Variants in S100Z observed in about 807,000 individuals in gnomAD.
S100Z encodes the protein S100 calcium binding protein Z.
Under a neutral mutation model 8.5 loss-of-function variants are expected in S100Z, and 11 were observed. That is an observed-to-expected ratio of 1.30 (90% CI 0.82 to 2.15). The LOEUF is 2.15. Ranked by LOEUF, S100Z falls within the 30% of genes most tolerant of loss-of-function variation. S100Z has a pLI of 0.00. For missense variants in S100Z, 126 were observed against 117.9 expected (o/e 1.07, Z -0.32); for synonymous variants, 34 against 43.8 (o/e 0.78, Z 0.89).
the S100Z span, among the ~76,000 whole-genome samples, chr5:76,932,142 CT>C: frequency 0.027 from 4,155 of 151,988 alleles, 68 homozygotes; most frequent in Non-Finnish European, 0.039. Flanking sequence ...CATTTAAATT[CT>C]TTTTTTTCTC....
the S100Z span, among the ~76,000 whole-genome samples, chr5:76,931,807 CT>C: frequency 1.6e-4 from 21 of 129,926 alleles, no homozygotes; most frequent in Admixed American, 1.0e-3. Flanking sequence ...TTTTATTCTT[CT>C]TTTTTTTTGT....
chr5:76,901,206 A>G (rs1394061536), intron 4 of S100Z, among the ~76,000 whole-genome samples: 1 of 152,178 alleles, frequency 6.6e-6, no homozygotes, highest in African/African-American at 2.4e-5. Context: ...ATCTCATCTA[A>G]TGCCTGCTTT....
chr5:76,862,344 T>C (rs1273003687), intron 1 of S100Z, among the ~76,000 whole-genome samples: 6 of 152,064 alleles, frequency 3.9e-5, no homozygotes, highest in South Asian at 2.1e-4. Flanking sequence ...CTAGGCAAGA[T>C]TGGGCAGCAT....
intron 1 of S100Z, among the ~76,000 whole-genome samples, chr5:76,862,244 G>A (rs1442521607): frequency 6.6e-6 from 1 of 151,966 alleles, no homozygotes; most frequent in African/African-American, 2.4e-5. Flanking sequence ...GGAGAATAGG[G>A]AATTAGGGTA....
the S100Z span, among the ~76,000 whole-genome samples, chr5:76,942,965 G>A: frequency 2.2e-4 from 33 of 152,312 alleles, no homozygotes; most frequent in African/African-American, 7.2e-4. Context: ...ATTATCTCTC[G>A]TGGTTCCTAT....
At chr5:76,869,836 T>C (rs559718543) in intron 1 of S100Z, among the ~76,000 whole-genome samples, 3 of 152,188 alleles carry the variant, frequency 2.0e-5, no homozygotes, top group Admixed American at 2.0e-4. Context: ...CTAGCCAACA[T>C]GGTGAAACCC....
chr5:76,952,350 A>T, the S100Z span, among the ~76,000 whole-genome samples: 1 of 152,250 alleles, frequency 6.6e-6, no homozygotes, highest in East Asian at 1.9e-4. Context: ...TGTGTACATC[A>T]TGTAAACATC....
At position 76,902,355 on chromosome 5, in the gene S100Z, C is replaced by T. The variant is rs147849657; in HGVS notation, c.*3-18362C>T. On this transcript the variant is annotated intron_variant, in intron 4 of 4. Coordinates refer to ENST00000317593, the MANE Select transcript of S100Z (RefSeq NM_130772.4). Reference sequence around the variant, plus strand: ...TTCTTGGAGACACAGAGTGCTGTAGCGCTCTGCTGAATTTGATCCAGTTTT... The same window carrying T: ...TTCTTGGAGACACAGAGTGCTGTAGTGCTCTGCTGAATTTGATCCAGTTTT... Among the ~76,000 whole-genome samples, 8 of 152,328 alleles carry T rather than the reference C, an allele frequency of 5.3e-5. 1 individual carries two copies. Among genetic ancestry groups the T allele is most frequent in the South Asian group, 4.1e-4 (2 of 4,832 alleles).
intron 4 of S100Z, among the ~76,000 whole-genome samples, chr5:76,902,358 T>G (rs1334914233): frequency 6.6e-6 from 1 of 152,244 alleles, no homozygotes; most frequent in African/African-American, 2.4e-5. Context: ...GCTGTAGCGC[T>G]CTGCTGAATT....
chr5:76,937,503 C>A, the S100Z span, among the ~76,000 whole-genome samples: 1 of 151,920 alleles, frequency 6.6e-6, no homozygotes, highest in Non-Finnish European at 1.5e-5. Flanking sequence ...TGCCTATAAT[C>A]CCAGCACTTT....
downstream of S100Z, among the ~76,000 whole-genome samples, chr5:76,924,129 C>T (rs1745093562): frequency 6.6e-6 from 1 of 152,230 alleles, no homozygotes; most frequent in African/African-American, 2.4e-5. Context: ...AGCCCAGACA[C>T]TGTTCTCTGG....
chr5:76,861,994 A>G (rs762551042), intron 1 of S100Z, among the ~76,000 whole-genome samples: 138 of 152,216 alleles, frequency 9.1e-4, no homozygotes, highest in Non-Finnish European at 1.7e-3. Flanking sequence ...CAGCAGTGAC[A>G]CAAAGAAGTT....
intron 4 of S100Z, among the ~76,000 whole-genome samples, chr5:76,903,897 TTGTG>T (rs956969367): frequency 1.7e-4 from 25 of 151,318 alleles, no homozygotes; most frequent in African/African-American, 5.8e-4. Flanking sequence ...GCTATTTTTT[TTGTG>T]TGTGTGTATT....
At chr5:76,933,088 A>G in the S100Z span, among the ~76,000 whole-genome samples, 2 of 152,210 alleles carry the variant, frequency 1.3e-5, no homozygotes, top group African/African-American at 4.8e-5. Context: ...TTAAGGATAA[A>G]GTTTTAGAGT....
Position 76,875,486 on chromosome 5 carries a change from A to G in S100Z, c.127A>G (p.Thr43Ala), listed in dbSNP as rs925776874. ...GAAACTGCTCCTGCAGCGAGAGCTC[A>G]CGGAATTCCTCTCGGTGAGTCAGGC... ...ELKLLLQREL[T>A]EFLSCQKETQ... is the part of the protein sequence containing the mutation. Residue 43 changes from threonine (T) to alanine (A), a missense_variant, in exon 3 of 5, where the codon ACG becomes GCG. Coordinates refer to ENST00000317593, the MANE Select transcript of S100Z (RefSeq NM_130772.4). 2.5e-6 allele frequency: 4 copies of G among 1,609,322 alleles called. No homozygotes were observed. Among genetic ancestry groups the G allele is most frequent in the Non-Finnish European group, 3.4e-6 (4 of 1,178,232 alleles).
At chr5:76,911,608 C>A (rs1161010501) in intron 4 of S100Z, among the ~76,000 whole-genome samples, 3 of 152,222 alleles carry the variant, frequency 2.0e-5, no homozygotes, top group Non-Finnish European at 4.4e-5. Context: ...CAAGTCCAGG[C>A]ACTCTGGTCC....
At position 76,917,820 on chromosome 5, in the gene S100Z, C is replaced by CAAAAA. The variant is rs10665272; in HGVS notation, c.*3-2884_*3-2880dup. Among the ~76,000 whole-genome samples, 10 of 130,608 alleles carry CAAAAA rather than the reference C, an allele frequency of 7.7e-5. 1 individual carries two copies. The highest frequency in any genetic ancestry group is 2.8e-4 in the African/African-American group (10 of 35,210). 85.7% of individuals were successfully genotyped at this position (130,608 alleles called of 152,430 possible). A position where few individuals can be genotyped will look rare whatever the true frequency, so the allele number is the denominator to read the frequency against. On this transcript the variant is annotated intron_variant, in intron 4 of 4. Coordinates refer to ENST00000317593, the MANE Select transcript of S100Z (RefSeq NM_130772.4). Reference sequence around the variant, plus strand: ...CCTGGGTGACCGAGCAAGACTGTCTCAAAAAAAAAAAAAAAAATCAGAAAT... The same window carrying CAAAAA: ...CCTGGGTGACCGAGCAAGACTGTCTCAAAAAAAAAAAAAAAAAAAAAATCAGAAAT...
At chr5:76,863,625 G>C (rs1374989680) in intron 1 of S100Z, among the ~76,000 whole-genome samples, 16 of 151,938 alleles carry the variant, frequency 1.1e-4, no homozygotes, top group Non-Finnish European at 2.2e-4. Context: ...TGCAAGCTCC[G>C]CCTCCCGGGT....
At chr5:76,916,609 CAAACTA>C (rs1483308622) in intron 4 of S100Z, among the ~76,000 whole-genome samples, 3 of 147,846 alleles carry the variant, frequency 2.0e-5, no homozygotes, top group East Asian at 2.0e-4. Flanking sequence ...ACAGTGGAAA[CAAACTA>C]GAAACCAATA....
Sources: gnomAD v4.1 joint callset for allele counts (sites outside exome capture counted in the v4.1 genomes callset) on GRCh38, gnomAD v4.1.1 for gene constraint, MANE v1.5 for transcripts, NCBI Gene and HGNC (gene_info 2026-07-23, HGNC 2026-07-21) for gene names.